TRIO: variants seen among roughly 807,000 people sequenced by gnomAD.
TRIO encodes triple functional domain protein.
Under a neutral mutation model 351.9 loss-of-function variants are expected in TRIO, and 58 were observed. That is an observed-to-expected ratio of 0.16 (90% confidence interval 0.13 to 0.21). The LOEUF (loss-of-function observed/expected upper bound fraction) is 0.21, where lower values mean the gene tolerates loss of function less well. TRIO is among the 10% of genes least tolerant of loss of function. The pLI is 1.00. For synonymous variants in TRIO, 1,758 were observed against 1,595.7 expected, an observed-to-expected ratio of 1.10 and a Z score of -2.42; for missense variants, 3,201 against 4,027.8, an observed-to-expected ratio of 0.79 and a Z score of 5.56.
intron 34 of TRIO, among the ~76,000 whole-genome samples, chr5:14,456,985 C>G (rs995379076): frequency 6.6e-6 from 1 of 152,066 alleles, no homozygotes; most frequent in South Asian, 2.1e-4. Context: ...CTGTTACATT[C>G]CATTGATTTA....
chr5:14,365,109 C>T (rs555091990), intron 15 of TRIO, among the ~76,000 whole-genome samples: 15 of 152,324 alleles, frequency 9.8e-5, no homozygotes, highest in African/African-American at 3.6e-4. Context: ...TAGTCTGTCT[C>T]TTGCTTGAAA....
At chr5:14,215,809 G>C (rs1792180634) in intron 1 of TRIO, among the ~76,000 whole-genome samples, 1 of 152,146 alleles carries the variant, frequency 6.6e-6, no homozygotes. Context: ...ACTAGTTTTT[G>C]TTCTTCTAAA....
chr5:14,462,805 C>T lies in TRIO; in HGVS notation c.5547C>T (p.Ser1849=), dbSNP rs1401419610. The T allele has an allele frequency of 3.1e-6, 5 of 1,614,118 alleles. No homozygotes were observed. The highest frequency in any genetic ancestry group is 2.2e-5 in the East Asian group (1 of 44,892). ...GCGGTACTCTCTCCAAATCCTCCTC[C>T]TCGGGGATGCAGAGCTGTGGAGAAG... ...LSSGTLSKSS[S]SGMQSCGEEE... The change falls in exon 36 of 57, where the codon TCC becomes TCT. Residue 1849 remains serine (S), a synonymous_variant. Coordinates refer to ENST00000344204, the MANE Select transcript of TRIO (RefSeq NM_007118.4).
intron 9 of TRIO, among the ~76,000 whole-genome samples, chr5:14,328,236 A>G (rs1284378803): frequency 1.3e-5 from 2 of 152,246 alleles, no homozygotes; most frequent in Non-Finnish European, 2.9e-5. Flanking sequence ...TGCACTCAAT[A>G]CGTTAAAACA....
chr5:14,201,000 T>C (rs533600037), intron 1 of TRIO, among the ~76,000 whole-genome samples: 41 of 151,828 alleles, frequency 2.7e-4, no homozygotes, highest in African/African-American at 8.9e-4. Context: ...GGCTCACGCC[T>C]GTAACCCAGC....
chr5:14,472,690 A>G, intron 39 of TRIO, 32 bp downstream of exon 39: 3 of 1,611,038 alleles, frequency 1.9e-6, no homozygotes, highest in South Asian at 1.1e-5. Flanking sequence ...GTATCTTCGT[A>G]TCAGTTCCAA....
chr5:14,217,335 C>G (rs1287965937), intron 1 of TRIO, among the ~76,000 whole-genome samples: 1 of 152,128 alleles, frequency 6.6e-6, no homozygotes, highest in African/African-American at 2.4e-5. Flanking sequence ...AAAGGAAATG[C>G]TATCCCTACA....
chr5:14,380,736 TATAAATC>T (rs1440175841), intron 20 of TRIO, among the ~76,000 whole-genome samples: 1 of 152,200 alleles, frequency 6.6e-6, no homozygotes, highest in Non-Finnish European at 1.5e-5. Flanking sequence ...CCCAAAGAAT[TATAAATC>T]ATTCTACTAT....
At chr5:14,168,380 T>C (rs1788900863) in intron 1 of TRIO, among the ~76,000 whole-genome samples, 1 of 152,268 alleles carries the variant, frequency 6.6e-6, no homozygotes, top group South Asian at 2.1e-4. Flanking sequence ...GTAGGTGAAC[T>C]AAATAGGCTC....
In TRIO at chr5:14,487,504, G is replaced by GGGCGGCGGC. The variant is rs749785358; in HGVS notation, c.6886_6894dup (p.Gly2296_Gly2298dup). 5.5e-6 allele frequency: 6 copies of GGGCGGCGGC among 1,083,206 alleles called. No individual in the cohort carries two copies. The highest frequency in any genetic ancestry group is 1.3e-4 in the East Asian group (2 of 14,840). 67.1% of individuals were successfully genotyped at this position (1,083,206 alleles called of 1,614,324 possible). A position where few individuals can be genotyped will look rare whatever the true frequency, so the allele number is the denominator to read the frequency against. ...TCGAGTACCAGAGGAACCACAGCGG[G>GGGCGGCGGC]GGCGGCGGCGGCGGCGGCAGCGGGG... is the stretch of plus-strand genomic sequence containing the variant. On this transcript the variant is annotated inframe_insertion, in exon 48 of 57. Transcript: ENST00000344204.
At chr5:14,488,532 A>C in intron 48 of TRIO, 1 of 534,868 alleles carries the variant, frequency 1.9e-6, no homozygotes, top group Non-Finnish European at 3.3e-6. Context: ...CAACCAGCAG[A>C]ATATCTTCTT....
chr5:14,350,116 C>G (rs1324219920), intron 11 of TRIO, among the ~76,000 whole-genome samples: 1 of 152,096 alleles, frequency 6.6e-6, no homozygotes, highest in Non-Finnish European at 1.5e-5. Context: ...GGAGAGTGAG[C>G]TTGTGTCAAA....
At chr5:14,203,200 CT>C (rs545288262) in intron 1 of TRIO, among the ~76,000 whole-genome samples, 436 of 152,302 alleles carry the variant, frequency 2.9e-3, no homozygotes, top group Non-Finnish European at 4.3e-3. Context: ...TAATGGCTTA[CT>C]GCATTAAGGA....
intron 9 of TRIO, among the ~76,000 whole-genome samples, chr5:14,324,061 A>G (rs527661251): frequency 1.3e-5 from 2 of 152,340 alleles, no homozygotes; most frequent in South Asian, 2.1e-4. Context: ...TCAGAATGTA[A>G]TATGTTCATT....
Position 14,439,998 on chromosome 5 carries a change from T to C in TRIO, c.5203+19977T>C, listed in dbSNP as rs369369369. Among the ~76,000 whole-genome samples, 42 of 152,316 alleles carry C rather than the reference T, an allele frequency of 2.8e-4. 1 individual carries two copies. Among genetic ancestry groups the C allele is most frequent in the African/African-American group, 9.6e-4 (40 of 41,572 alleles). On this transcript the variant is annotated intron_variant, in intron 34 of 56. Transcript: ENST00000344204. ...TTCCTTTGAGGATTTTAAAATTTTA[T>C]TATGCAACAAATGTGGAGGTGGGGA...
intron 11 of TRIO, among the ~76,000 whole-genome samples, chr5:14,344,688 G>A (rs1742257817): frequency 6.6e-6 from 1 of 152,154 alleles, no homozygotes; most frequent in Non-Finnish European, 1.5e-5. Context: ...CAAATATCTA[G>A]GTATAATGTT....
At chr5:14,385,661 A>T (rs1391304586) in intron 21 of TRIO, among the ~76,000 whole-genome samples, 1 of 152,188 alleles carries the variant, frequency 6.6e-6, no homozygotes, top group Non-Finnish European at 1.5e-5. Context: ...GGGTGAGAAG[A>T]GTTTTTACTT....
Position 14,329,340 on chromosome 5 carries a change from T to A in TRIO, c.1732-1438T>A, listed in dbSNP as rs909937121. Among the ~76,000 whole-genome samples the A allele has an allele frequency of 2.6e-5, 4 of 152,208 alleles. No individual in the cohort carries two copies. In the East Asian group the frequency reaches 7.7e-4, roughly 29 times the overall value. The stretch of plus-strand genomic sequence containing the variant: ...ATGTTGAAATATACTCCAGAAGAGG[T>A]GGGGCTTCCAGGAGGGAATTAGGCC... On this transcript the variant is annotated intron_variant, in intron 9 of 56. Transcript: ENST00000344204.
chr5:14,390,661 C>T (rs957141804), intron 26 of TRIO, among the ~76,000 whole-genome samples: 6 of 152,114 alleles, frequency 3.9e-5, no homozygotes, highest in African/African-American at 9.7e-5. Flanking sequence ...GCTCTGCACG[C>T]GTGACTGTGG....
Sources: allele counts gnomAD v4.1 joint callset (sites outside exome capture counted in the v4.1 genomes callset), GRCh38; gene constraint gnomAD v4.1.1; transcripts MANE v1.5; gene names NCBI Gene and HGNC (gene_info 2026-07-23, HGNC 2026-07-21).